The following BCAT1 variants were observed in gnomAD, a reference collection of about 807,000 sequenced individuals.
The protein encoded by BCAT1 is branched-chain-amino-acid aminotransferase, cytosolic.
A neutral mutation model predicts 52.4 loss-of-function variants in BCAT1; 48 were observed. The observed-to-expected ratio is 0.92, with a 90% CI of 0.73 to 1.16. BCAT1 has a LOEUF of 1.16. Among genes scored for constraint, BCAT1 ranks in the 50% most tolerant of loss-of-function variants. The pLI, the probability that BCAT1 is intolerant of heterozygous loss-of-function variation, is 0.00. For synonymous variants in BCAT1, 167 were observed against 161.3 expected (o/e 1.04, Z -0.27); for missense variants, 451 against 457.1 (o/e 0.99, Z 0.12).
chr12:24,857,904 C>T (rs1017495672), intron 5 of BCAT1, among the ~76,000 whole-genome samples: 1 of 152,160 alleles, frequency 6.6e-6, no homozygotes, highest in Admixed American at 6.5e-5. Context: ...GGGAATACCC[C>T]ACTCTGTGCA....
chr12:24,894,130 A>G, intron 3 of BCAT1, 145 bp downstream of exon 3: 2 of 695,402 alleles, frequency 2.9e-6, no homozygotes, highest in East Asian at 2.9e-5. Flanking sequence ...AACTGTCTAT[A>G]GGAAAACTTT....
At chr12:24,930,923 T>C (rs922993338) in intron 1 of BCAT1, among the ~76,000 whole-genome samples, 39 of 128,520 alleles carry the variant, frequency 3.0e-4, no homozygotes, top group African/African-American at 1.1e-3. Flanking sequence ...TTTTTTGAGA[T>C]AGAGTCTTGC....
chr12:24,945,856 T>C (rs1943926789), intron 1 of BCAT1: 2 of 152,158 alleles, frequency 1.3e-5, no homozygotes, highest in African/African-American at 4.8e-5. Context: ...GATAGCATCA[T>C]ATAGAAAGTA....
chr12:24,881,510 A>T, intron 3 of BCAT1, 99 bp from the exon 4 acceptor site: 1 of 729,030 alleles, frequency 1.4e-6, no homozygotes. Context: ...TATTCATCCC[A>T]TAAAGCTGTT....
intron 2 of BCAT1, among the ~76,000 whole-genome samples, chr12:24,900,784 A>T (rs1460449928): frequency 6.6e-6 from 1 of 152,146 alleles, no homozygotes; most frequent in Non-Finnish European, 1.5e-5. Flanking sequence ...ATACAAAATT[A>T]GCTGGGCGTG....
intron 5 of BCAT1, among the ~76,000 whole-genome samples, chr12:24,869,065 A>G (rs1942107598): frequency 6.6e-6 from 1 of 152,268 alleles, no homozygotes; most frequent in Admixed American, 6.5e-5. Flanking sequence ...GGTACTCAAC[A>G]TAATTGGTTC....
At chr12:24,851,598 G>A (rs528529418) in intron 5 of BCAT1, among the ~76,000 whole-genome samples, 1 of 152,364 alleles carries the variant, frequency 6.6e-6, no homozygotes, top group African/African-American at 2.4e-5. Context: ...ACCTATGATG[G>A]TTGATGGAAG....
intron 1 of BCAT1, among the ~76,000 whole-genome samples, chr12:24,919,134 G>A (rs1943464242): frequency 6.6e-6 from 1 of 152,220 alleles, no homozygotes; most frequent in South Asian, 2.1e-4. Flanking sequence ...GACAGAAAGA[G>A]AGACAGAGCA....
At chr12:24,898,120 C>T (rs1337596774) in intron 2 of BCAT1, among the ~76,000 whole-genome samples, 1 of 152,012 alleles carries the variant, frequency 6.6e-6, no homozygotes, top group Non-Finnish European at 1.5e-5. Flanking sequence ...CGATTTGTTT[C>T]CTAAAGGAAA....
intron 2 of BCAT1, among the ~76,000 whole-genome samples, chr12:24,897,392 A>C (rs1283855949): frequency 6.6e-6 from 1 of 152,206 alleles, no homozygotes; most frequent in African/African-American, 2.4e-5. Context: ...ATATCAGTTA[A>C]ATTTCTGACA....
intron 10 of BCAT1, among the ~76,000 whole-genome samples, chr12:24,825,028 A>G (rs559283596): frequency 6.6e-6 from 1 of 151,874 alleles, no homozygotes; most frequent in African/African-American, 2.4e-5. Flanking sequence ...CGCTTATTTC[A>G]CTTAACAAAA....
intron 1 of BCAT1, among the ~76,000 whole-genome samples, chr12:24,915,620 G>C (rs1280152646): frequency 2.6e-5 from 4 of 152,144 alleles, no homozygotes; most frequent in Admixed American, 2.6e-4. Context: ...CCAGTTGAAA[G>C]AAAATAAAGC....
chr12:24,899,897 T>C (rs1402041135), intron 2 of BCAT1, among the ~76,000 whole-genome samples: 2 of 151,410 alleles, frequency 1.3e-5, no homozygotes, highest in African/African-American at 4.9e-5. Context: ...TATCAGAAGA[T>C]GGCAGGGGGT....
chr12:24,890,682 T>C (rs1330236721), intron 3 of BCAT1, among the ~76,000 whole-genome samples: 2 of 152,170 alleles, frequency 1.3e-5, no homozygotes, highest in South Asian at 2.1e-4. Flanking sequence ...GTTCCAGGAA[T>C]TGCCCATCCC....
intron 1 of BCAT1, among the ~76,000 whole-genome samples, chr12:24,915,887 G>A (rs1452485446): frequency 6.6e-6 from 1 of 152,270 alleles, no homozygotes; most frequent in Admixed American, 6.5e-5. Context: ...GCTGGGCACA[G>A]TGGCTCACGC....
In BCAT1 at chr12:24,832,684, G is replaced by A. The variant is rs747835948; in HGVS notation, c.1044+39C>T. ...ACTTAAATTAAATGTAATTTAATGTGATTGGAAATGATAGGAAATGAGGAA... is the reference window on the plus strand; with the variant it reads ...ACTTAAATTAAATGTAATTTAATGTAATTGGAAATGATAGGAAATGAGGAA... On this transcript the variant is annotated intron_variant, in intron 9 of 10. Transcript: ENST00000261192. 11 of 1,559,134 alleles carry A rather than the reference G, an allele frequency of 7.1e-6. No homozygotes were observed. In the African/African-American group the frequency reaches 1.5e-4, roughly 21 times the overall value.
intron 5 of BCAT1, among the ~76,000 whole-genome samples, chr12:24,873,822 C>T (rs927513954): frequency 6.6e-6 from 1 of 152,126 alleles, no homozygotes; most frequent in African/African-American, 2.4e-5. Flanking sequence ...TTTCCATGCA[C>T]TGGTAGCCTG....
In BCAT1 at chr12:24,812,321, A is replaced by AT. The variant is rs1014575801; in HGVS notation, c.*5686_*5687insA. 1 of 151,686 alleles carries AT rather than the reference A, an allele frequency of 6.6e-6. No homozygotes were observed. The highest frequency in any genetic ancestry group is 2.4e-5 in the African/African-American group (1 of 41,286). 9.4% of individuals were successfully genotyped at this position (151,686 alleles called of 1,614,324 possible). A position where few individuals can be genotyped will look rare whatever the true frequency, so the allele number is the denominator to read the frequency against. ...GATAGTAAATAGTATCTCTAAGGGA[A>AT]AAAAGTCACAATCTACTTCTTGTCT... On this transcript the variant is annotated 3_prime_UTR_variant, in exon 11 of 11. Transcript: ENST00000261192.
At chr12:24,916,433 T>TA (rs1943408310) in intron 1 of BCAT1, among the ~76,000 whole-genome samples, 1 of 151,514 alleles carries the variant, frequency 6.6e-6, no homozygotes, top group Non-Finnish European at 1.5e-5. Flanking sequence ...CCGGTTGCAC[T>TA]CAAAAAAAAG....
Sources: allele counts gnomAD v4.1 joint callset (sites outside exome capture counted in the v4.1 genomes callset), GRCh38; gene constraint gnomAD v4.1.1; transcripts MANE v1.5; gene names NCBI Gene and HGNC (gene_info 2026-07-23, HGNC 2026-07-21).